ONECUT1: variants seen among roughly 807,000 people sequenced by gnomAD.
ONECUT1 encodes hepatocyte nuclear factor 6.
In ONECUT1, 12 loss-of-function variants were observed where a neutral mutation model predicts 25.6. The observed-to-expected ratio is 0.47, with a 90% confidence interval of 0.30 to 0.76. ONECUT1 has a LOEUF of 0.76. Among genes scored for constraint, ONECUT1 ranks in the 30% least tolerant of loss-of-function variants. ONECUT1 has a pLI of 0.07. For missense variants in ONECUT1, 620 were observed against 651.2 expected, an observed-to-expected ratio of 0.95 and a Z score of 0.52; for synonymous variants, 285 against 270.2, an observed-to-expected ratio of 1.05 and a Z score of -0.54.
At chr15:52,764,190 G>T (rs1371137720) in intron 1 of ONECUT1, among the ~76,000 whole-genome samples, 1 of 152,156 alleles carries the variant, frequency 6.6e-6, no homozygotes, top group Non-Finnish European at 1.5e-5. Flanking sequence ...ACATATATTG[G>T]CCTGGGAGGC....
intron 1 of ONECUT1, among the ~76,000 whole-genome samples, chr15:52,778,777 G>GC (rs1274926169): frequency 2.6e-5 from 4 of 152,160 alleles, no homozygotes; most frequent in Non-Finnish European, 5.9e-5. Flanking sequence ...AGAGACTAGG[G>GC]CCCCAACTAA....
At chr15:52,763,197 C>T (rs983143037) in intron 1 of ONECUT1, among the ~76,000 whole-genome samples, 8 of 152,134 alleles carry the variant, frequency 5.3e-5, no homozygotes, top group African/African-American at 1.7e-4. Flanking sequence ...TAGGAGTCAC[C>T]TCCATGAGGG....
intron 1 of ONECUT1, among the ~76,000 whole-genome samples, chr15:52,760,585 T>C (rs1297322477): frequency 6.6e-6 from 1 of 152,098 alleles, no homozygotes; most frequent in East Asian, 1.9e-4. Flanking sequence ...AAAGGATAAA[T>C]GGAGGCTTTC....
chr15:52,789,441 G>T lies in ONECUT1; in HGVS notation c.444C>A (p.Ser148Arg). 1 of 1,613,868 alleles carries T rather than the reference G, an allele frequency of 6.2e-7. No individual in the cohort carries two copies. Among genetic ancestry groups the T allele is most frequent in the South Asian group, 1.1e-5 (1 of 91,066 alleles). Reference sequence around the variant, plus strand: ...CGCGCTCATCCCGCATGAGCGTGAAGCTACCGCTCACGTTGCCCGCCAGGC... The same window carrying T: ...CGCGCTCATCCCGCATGAGCGTGAATCTACCGCTCACGTTGCCCGCCAGGC... Reference protein sequence around the residue: ...HQRLAGNVSGSFTLMRDERGL... With the variant: ...HQRLAGNVSGRFTLMRDERGL... Residue 148 changes from serine (S) to arginine (R), a missense_variant, in exon 1 of 2, where the codon AGC becomes AGA. Ser to Arg is a moderately radical substitution (Grantham distance 110). Coordinates refer to ENST00000305901, the MANE Select transcript of ONECUT1 (RefSeq NM_004498.4). The surrounding 1 kb of genome is among the most constrained non-coding windows in gnomAD (Gnocchi z 4.1).
chr15:52,768,741 C>G (rs1480520593), intron 1 of ONECUT1, among the ~76,000 whole-genome samples: 1 of 152,188 alleles, frequency 6.6e-6, no homozygotes, highest in East Asian at 1.9e-4. Context: ...CAGACATTTT[C>G]TCTAATTAAT....
chr15:52,782,507 G>T (rs1055074386), intron 1 of ONECUT1, among the ~76,000 whole-genome samples: 1 of 152,108 alleles, frequency 6.6e-6, no homozygotes, highest in South Asian at 2.1e-4. Context: ...GACTCTATGA[G>T]ACTGACATTT....
At chr15:52,774,288 GTTAT>G (rs369887471) in intron 1 of ONECUT1, among the ~76,000 whole-genome samples, 85 of 150,122 alleles carry the variant, frequency 5.7e-4, no homozygotes, top group Admixed American at 1.5e-3. Context: ...AAGAAATGAA[GTTAT>G]TTATTTATTT....
intron 1 of ONECUT1, among the ~76,000 whole-genome samples, chr15:52,763,938 A>G (rs1263509121): frequency 2.6e-5 from 4 of 152,244 alleles, no homozygotes; most frequent in African/African-American, 7.2e-5. Context: ...GACAGATGGA[A>G]GTTAGAAACA....
intron 1 of ONECUT1, among the ~76,000 whole-genome samples, chr15:52,777,697 AACACACACACACAC>A (rs369734028): frequency 8.2e-6 from 1 of 122,144 alleles, no homozygotes; most frequent in Non-Finnish European, 1.6e-5. Context: ...CTTCCTGGAA[AACACACACACACAC>A]ACACACACAC....
rs749522422 is a variant in ONECUT1, at chr15:52,757,684, C to T, written c.1269G>A (p.Gly423=). 37 of 1,614,016 alleles carry T rather than the reference C, an allele frequency of 2.3e-5. No individual in the cohort carries two copies. The East Asian group carries it at 3.8e-4, about 17-fold the overall frequency. The change falls in exon 2 of 2, where the codon GGG becomes GGA. Residue 423 remains glycine, a synonymous_variant. Coordinates refer to ENST00000305901, the MANE Select transcript of ONECUT1 (RefSeq NM_004498.4). ...ELQITISQQL[G]LELSTVSNFF... is the part of the protein sequence containing the mutation. ...AGTTGCTGACAGTGCTCAGCTCCAA[C>T]CCCAGCTGCTGGGAAATGGTGATTT...
intron 1 of ONECUT1, chr15:52,780,921 T>C: frequency 1.6e-6 from 2 of 1,266,130 alleles, no homozygotes; most frequent in South Asian, 2.4e-5. Context: ...GAGAAACACA[T>C]GGTGACTGGA....
At chr15:52,762,449 G>A (rs1295096423) in intron 1 of ONECUT1, among the ~76,000 whole-genome samples, 3 of 152,194 alleles carry the variant, frequency 2.0e-5, no homozygotes, top group East Asian at 1.9e-4. Flanking sequence ...GGAGACTGTC[G>A]ATTAATGTCT....
At position 52,757,579 on chromosome 15, in the gene ONECUT1, T is replaced by C; in HGVS notation, c.1374A>G (p.Ser458=). The C allele has an allele frequency of 6.2e-7, 1 of 1,613,794 alleles. No homozygotes were observed. Among genetic ancestry groups the C allele is most frequent in the Non-Finnish European group, 8.5e-7 (1 of 1,179,740 alleles). Residue 458 remains serine, a synonymous_variant, in exon 2 of 2, where the codon TCA becomes TCG. Transcript: ENST00000305901. The part of the protein sequence containing the change: ...GSSNSGNSSS[S]SSTCTKA ...TTCATGCTTTGGTACAAGTGCTTGA[T>C]GAAGAAGATGAGTTGCCTGAATTGG...
chr15:52,761,747 G>C (rs1230355671), intron 1 of ONECUT1, among the ~76,000 whole-genome samples: 2 of 152,124 alleles, frequency 1.3e-5, no homozygotes, highest in Non-Finnish European at 2.9e-5. Flanking sequence ...CTTCTTGGGC[G>C]GTCAAATCAA....
At chr15:52,761,350 A>G (rs780005591) in intron 1 of ONECUT1, among the ~76,000 whole-genome samples, 3 of 152,180 alleles carry the variant, frequency 2.0e-5, no homozygotes, top group Non-Finnish European at 4.4e-5. Context: ...TGCTTTGCAG[A>G]GAACTGTACC....
rs567344296 is a variant in ONECUT1, at chr15:52,789,840, C to G, written c.45G>C (p.Gly15=). 12 of 1,542,812 alleles carry G rather than the reference C, an allele frequency of 7.8e-6. No individual in the cohort carries two copies. The highest frequency in any genetic ancestry group is 9.5e-6 in the Non-Finnish European group (11 of 1,155,708). ...GGGCGGGCACCGGCTCATGGCTCAC[C>G]CCGTGCAGCTCGCCGATCGCTTCCA... ...LTMEAIGELH[G]VSHEPVPAPA... The change falls in exon 1 of 2, where the codon GGG becomes GGC. Residue 15 remains glycine, a synonymous_variant. Transcript: ENST00000305901. This position sits in a 1 kb window ranked among gnomAD's most constrained non-coding sequence, Gnocchi z 4.1.
At chr15:52,776,403 G>A (rs989201770) in intron 1 of ONECUT1, among the ~76,000 whole-genome samples, 1 of 152,136 alleles carries the variant, frequency 6.6e-6, no homozygotes, top group African/African-American at 2.4e-5. Flanking sequence ...CTCGACTTTA[G>A]AAATAGCTCT....
chr15:52,785,583 GC>G (rs1397193979), intron 1 of ONECUT1: 2 of 152,250 alleles, frequency 1.3e-5, no homozygotes, highest in African/African-American at 4.8e-5. Flanking sequence ...CTCTTTCCGA[GC>G]CGGCAGCTCC....
chr15:52,771,464 T>C (rs1445203595), intron 1 of ONECUT1, among the ~76,000 whole-genome samples: 1 of 151,648 alleles, frequency 6.6e-6, no homozygotes, highest in Non-Finnish European at 1.5e-5. Flanking sequence ...TGTGTGTGTG[T>C]GTGTGTGTCT....
Sources: allele counts gnomAD v4.1 joint callset (sites outside exome capture counted in the v4.1 genomes callset), GRCh38; gene constraint gnomAD v4.1.1; non-coding constraint Gnocchi (gnomAD v3.1); transcripts MANE v1.5; gene names NCBI Gene and HGNC (gene_info 2026-07-23, HGNC 2026-07-21).